The following MAN1A1 variants were observed in gnomAD, a reference collection of about 807,000 sequenced individuals.
MAN1A1 encodes the protein mannosyl-oligosaccharide 1,2-alpha-mannosidase IA.
A neutral mutation model predicts 70.8 loss-of-function variants in MAN1A1; 29 were observed. The ratio of observed to expected loss-of-function variants is 0.41; its 90% confidence interval spans 0.31 to 0.56. The LOEUF (loss-of-function observed/expected upper bound fraction) is 0.56. Among genes scored for constraint, MAN1A1 ranks in the 20% least tolerant of loss-of-function variants. The probability of loss-of-function intolerance (pLI) is 0.29; values close to 1 mark genes in which losing one functional copy is unlikely to be tolerated. For missense variants in MAN1A1, 747 were observed against 841.3 expected, an observed-to-expected ratio of 0.89 and a Z score of 1.39; for synonymous variants, 349 against 330.1, an observed-to-expected ratio of 1.06 and a Z score of -0.62.
chr6:119,286,435 T>C (rs905507650), intron 5 of MAN1A1, among the ~76,000 whole-genome samples: 2 of 152,148 alleles, frequency 1.3e-5, no homozygotes, highest in African/African-American at 4.8e-5. Flanking sequence ...CTGTGTTTCC[T>C]CCTTGTTAGT....
intron 6 of MAN1A1, among the ~76,000 whole-genome samples, chr6:119,206,813 A>G (rs77903811): frequency 0.016 from 2,427 of 152,374 alleles, 71 homozygotes; most frequent in African/African-American, 0.056. Context: ...CCTATTTAGC[A>G]AAACTACAAA....
At chr6:119,325,735 A>G (rs928380063) in intron 2 of MAN1A1, among the ~76,000 whole-genome samples, 3 of 152,192 alleles carry the variant, frequency 2.0e-5, no homozygotes, top group Non-Finnish European at 4.4e-5. Context: ...AATACGAACA[A>G]TAATGGAATT....
At chr6:119,283,171 T>C (rs1776266364) in intron 5 of MAN1A1, among the ~76,000 whole-genome samples, 1 of 152,224 alleles carries the variant, frequency 6.6e-6, no homozygotes, top group Non-Finnish European at 1.5e-5. Context: ...ATGCATATTG[T>C]CCATCACCTT....
chr6:119,195,587 T>C (rs1334338296), intron 8 of MAN1A1, among the ~76,000 whole-genome samples: 2 of 152,130 alleles, frequency 1.3e-5, no homozygotes, highest in African/African-American at 4.8e-5. Context: ...TTTTCTTCTG[T>C]CTCCTCCACA....
intron 5 of MAN1A1, among the ~76,000 whole-genome samples, chr6:119,255,370 A>C (rs1775430739): frequency 2.0e-5 from 3 of 152,240 alleles, no homozygotes; most frequent in Admixed American, 2.0e-4. Flanking sequence ...TTTCAGCACA[A>C]GATGCCATAG....
At chr6:119,276,910 T>C (rs1048200413) in intron 5 of MAN1A1, among the ~76,000 whole-genome samples, 1 of 152,140 alleles carries the variant, frequency 6.6e-6, no homozygotes, top group African/African-American at 2.4e-5. Flanking sequence ...TTCTACCTAA[T>C]GTCAAGAATG....
intron 4 of MAN1A1, among the ~76,000 whole-genome samples, chr6:119,300,508 C>A (rs1376227377): frequency 6.6e-6 from 1 of 152,076 alleles, no homozygotes; most frequent in East Asian, 1.9e-4. Flanking sequence ...ACTGCCTCGA[C>A]CTCCCAAAGT....
chr6:119,340,979 T>C (rs1193269040), intron 2 of MAN1A1, among the ~76,000 whole-genome samples: 1 of 152,178 alleles, frequency 6.6e-6, no homozygotes, highest in East Asian at 1.9e-4. Context: ...GTCATTCTAG[T>C]CACAAAAGTC....
At chr6:119,236,744 A>G in intron 6 of MAN1A1, among the ~76,000 whole-genome samples, 1 of 151,662 alleles carries the variant, frequency 6.6e-6, no homozygotes, top group Non-Finnish European at 1.5e-5. Context: ...TTGACTTTCA[A>G]GTGTTATTAT....
chr6:119,303,566 C>T (rs1322419182), intron 3 of MAN1A1, among the ~76,000 whole-genome samples: 1 of 152,160 alleles, frequency 6.6e-6, no homozygotes, highest in African/African-American at 2.4e-5. Flanking sequence ...TCCCACTATG[C>T]ACTCCTTCAC....
At chr6:119,346,356 A>G (rs1210164458) in intron 2 of MAN1A1, among the ~76,000 whole-genome samples, 1 of 152,198 alleles carries the variant, frequency 6.6e-6, no homozygotes, top group Non-Finnish European at 1.5e-5. Flanking sequence ...ATCTGCCTGA[A>G]CTAATCTGAT....
intron 5 of MAN1A1, among the ~76,000 whole-genome samples, chr6:119,258,507 T>C (rs1775519595): frequency 6.6e-6 from 1 of 152,174 alleles, no homozygotes; most frequent in African/African-American, 2.4e-5. Flanking sequence ...TACAGGAGGA[T>C]GTACTCATGT....
intron 5 of MAN1A1, among the ~76,000 whole-genome samples, chr6:119,279,842 T>G (rs533134841): frequency 4.6e-5 from 7 of 152,306 alleles, no homozygotes; most frequent in Non-Finnish European, 7.3e-5. Flanking sequence ...CCTTCTCTTC[T>G]TCAATCAAAA....
At chr6:119,300,255 GTTTTT>G (rs1462885677) in intron 4 of MAN1A1, among the ~76,000 whole-genome samples, 278 of 150,556 alleles carry the variant, frequency 1.8e-3, no homozygotes, top group African/African-American at 6.6e-3. Context: ...GTTTTGTTTT[GTTTTT>G]GTTTTTTTTT....
Position 119,212,349 on chromosome 6 carries a change from G to A in MAN1A1, c.993-7467C>T, listed in dbSNP as rs537055584. 6.6e-5 allele frequency among the ~76,000 whole-genome samples: 10 copies of A among 152,220 alleles called. No homozygotes were observed. In the East Asian group the frequency reaches 1.7e-3, roughly 26 times the overall value. On this transcript the variant is annotated intron_variant, in intron 6 of 12. Transcript: ENST00000368468. Reference sequence around the variant, plus strand: ...ATCAATTATACCAAAAGTAATGGTAGTTTTTGGCAGAAATTCTGAGGCATA... The same window carrying A: ...ATCAATTATACCAAAAGTAATGGTAATTTTTGGCAGAAATTCTGAGGCATA...
intron 6 of MAN1A1, among the ~76,000 whole-genome samples, chr6:119,229,806 G>GT (rs34434621): frequency 0.013 from 1,929 of 152,254 alleles, 40 homozygotes; most frequent in African/African-American, 0.04. Context: ...TCTGACTTCA[G>GT]TTTTTTGGTA....
At position 119,281,373 on chromosome 6, in the gene MAN1A1, C is replaced by T. The variant is rs148196875; in HGVS notation, c.897+9310G>A. On this transcript the variant is annotated intron_variant, in intron 5 of 12. Transcript: ENST00000368468. ...GTGGTCGCTGTGGTGGTCATGAATG[C>T]TGTTCATCACCACCTCTTCACCCCT... Among the ~76,000 whole-genome samples the T allele has an allele frequency of 4.6e-3, 703 of 152,328 alleles. 3 individuals are homozygous for T. The highest frequency in any genetic ancestry group is 8.7e-3 in the Admixed American group (133 of 15,308).
At position 119,338,679 on chromosome 6, in the gene MAN1A1, A is replaced by G. The variant is rs779200764; in HGVS notation, c.603+9784T>C. On this transcript the variant is annotated intron_variant, in intron 2 of 12. Transcript: ENST00000368468. ...GAAAGATCCTTCCGCAGATCTCCAGAGAGGTCAATACCTTCCTCAAGTATC... is the reference window on the plus strand; with the variant it reads ...GAAAGATCCTTCCGCAGATCTCCAGGGAGGTCAATACCTTCCTCAAGTATC... Among the ~76,000 whole-genome samples the G allele has an allele frequency of 2.6e-5, 4 of 152,222 alleles. No homozygotes were observed. In the South Asian group the frequency reaches 8.3e-4, roughly 31 times the overall value.
intron 11 of MAN1A1, among the ~76,000 whole-genome samples, chr6:119,185,335 T>C (rs560359061): frequency 1.7e-4 from 26 of 152,362 alleles, no homozygotes; most frequent in African/African-American, 5.5e-4. Context: ...CTGGATTATA[T>C]ACCTTTTCAC....
Sources: allele counts gnomAD v4.1 joint callset (sites outside exome capture counted in the v4.1 genomes callset), GRCh38; gene constraint gnomAD v4.1.1; transcripts MANE v1.5; gene names NCBI Gene and HGNC (gene_info 2026-07-23, HGNC 2026-07-21).